The following RASSF5 variants were observed in gnomAD, a reference collection of about 807,000 sequenced individuals.
The protein encoded by RASSF5 is ras association domain-containing protein 5.
A neutral mutation model predicts 40.5 loss-of-function variants in RASSF5; 25 were observed. The ratio of observed to expected loss-of-function variants is 0.62; its 90% CI spans 0.45 to 0.86. The LOEUF is 0.86. Among genes scored for constraint, RASSF5 ranks in the 40% least tolerant of loss-of-function variants. The pLI, the probability that RASSF5 is intolerant of heterozygous loss-of-function variation, is 0.00. For synonymous variants in RASSF5, 246 were observed against 252.4 expected (o/e 0.97, Z 0.24); for missense variants, 521 against 572.8 (o/e 0.91, Z 0.92).
At chr1:206,512,163 C>T (rs1666634463) in intron 1 of RASSF5, among the ~76,000 whole-genome samples, 1 of 152,014 alleles carries the variant, frequency 6.6e-6, no homozygotes, top group Admixed American at 6.6e-5. Context: ...GTGAGAATCC[C>T]CCACTCCCAA....
chr1:206,584,454 C>T lies in RASSF5; in HGVS notation c.758C>T (p.Pro253Leu), dbSNP rs782546661. The T allele has an allele frequency of 5.0e-6, 8 of 1,614,186 alleles. No homozygotes were observed. In the South Asian group the frequency reaches 8.8e-5, roughly 18 times the overall value. Residue 253 changes from proline (P) to leucine (L), a missense_variant, in exon 4 of 6, where the codon CCT becomes CTT. Pro to Leu is a moderately conservative substitution (Grantham distance 98). Around this residue, in one of 2 missense-constraint regions of RASSF5, gnomAD observed 284 missense variants for 360.8 expected, o/e 0.79. Transcript: ENST00000579436. The surrounding 1 kb of genome is among the most constrained non-coding windows in gnomAD (Gnocchi z 4.9). The stretch of plus-strand genomic sequence containing the variant: ...AAACTCCGGCGGCCTGTGACGGTGC[C>T]TGCTGGGATCCGGCCCCAGTCCATC... ...HLKLRRPVTV[P>L]AGIRPQSIYD...
In RASSF5 at chr1:206,508,066, G is replaced by A; in HGVS notation, c.457+7G>A. The A allele has an allele frequency of 6.5e-6, 9 of 1,380,212 alleles. No individual in the cohort carries two copies. Among genetic ancestry groups the A allele is most frequent in the Non-Finnish European group, 8.4e-6 (9 of 1,066,918 alleles). The allele number at this position is 1,380,212 out of a possible 1,614,324, so 85.5% of individuals were successfully genotyped here. On this transcript the variant is annotated splice_region_variant and intron_variant, in intron 1 of 5. Coordinates refer to ENST00000579436, the MANE Select transcript of RASSF5 (RefSeq NM_182663.4). ...CAGGCGCTGCGCTGCACTAGTAAGT[G>A]TGAAGGCAGGGGAGGGGCGTGCGGG...
chr1:206,554,162 A>G (rs1667921336), intron 2 of RASSF5, among the ~76,000 whole-genome samples: 1 of 151,680 alleles, frequency 6.6e-6, no homozygotes, highest in Admixed American at 6.7e-5. Context: ...ATGCCACTAC[A>G]TCTGATCATA....
intron 1 of RASSF5, among the ~76,000 whole-genome samples, chr1:206,521,278 G>A (rs1392259289): frequency 1.3e-5 from 2 of 152,200 alleles, no homozygotes; most frequent in Non-Finnish European, 2.9e-5. Flanking sequence ...CCAGCAGAGA[G>A]GTCCTCTGAC....
rs1669230572 is a variant in RASSF5 at position 206,588,654 on chromosome 1, C to G, written c.*1676C>G. ...CCCCTGATCCCAGAAGGAATGCTGA[C>G]CCCTCGTCGTATGAACTGTGCATAG... is the stretch of plus-strand genomic sequence containing the variant. On this transcript the variant is annotated 3_prime_UTR_variant, in exon 6 of 6. Coordinates refer to ENST00000579436, the MANE Select transcript of RASSF5 (RefSeq NM_182663.4). 2 of 152,408 alleles carry G rather than the reference C, an allele frequency of 1.3e-5. No individual in the cohort carries two copies. The highest frequency in any genetic ancestry group is 4.8e-5 in the African/African-American group (2 of 41,444). 9.4% of individuals were successfully genotyped at this position (152,408 alleles called of 1,614,324 possible).
In RASSF5 at chr1:206,535,583, A is replaced by G. The variant is rs1553398513; in HGVS notation, c.458-2589A>G. ...TGTGATTACATGGTCCGATGGAACAAAGTCTTTGGTGCTCAAACATGCTTC... is the reference window on the plus strand; with the variant it reads ...TGTGATTACATGGTCCGATGGAACAGAGTCTTTGGTGCTCAAACATGCTTC... On this transcript the variant is annotated intron_variant, in intron 1 of 5. Coordinates refer to ENST00000579436, the MANE Select transcript of RASSF5 (RefSeq NM_182663.4). The surrounding 1 kb of genome is among the most constrained non-coding windows in gnomAD (Gnocchi z 5.0). Among the ~76,000 whole-genome samples, 1 of 152,122 alleles carries G rather than the reference A, an allele frequency of 6.6e-6. No individual in the cohort carries two copies. The highest frequency in any genetic ancestry group is 2.4e-5 in the African/African-American group (1 of 41,402).
intron 1 of RASSF5, among the ~76,000 whole-genome samples, chr1:206,528,196 C>A (rs547834710): frequency 7.3e-5 from 11 of 151,536 alleles, no homozygotes; most frequent in African/African-American, 2.7e-4. Flanking sequence ...AGACAAGGAG[C>A]CTCATAAATA....
At chr1:206,547,141 A>C (rs760727810) in intron 2 of RASSF5, among the ~76,000 whole-genome samples, 8 of 152,204 alleles carry the variant, frequency 5.3e-5, no homozygotes, top group African/African-American at 1.9e-4. Flanking sequence ...AAAGAAAAGA[A>C]AAGACAAAAA....
chr1:206,585,562 A>G, intron 5 of RASSF5: 1 of 286,354 alleles, frequency 3.5e-6, no homozygotes, highest in Non-Finnish European at 6.7e-6. Context: ...CTGAAAACTC[A>G]GGGAGGAGGG....
At chr1:206,562,260 G>A (rs1668166142) in intron 2 of RASSF5, among the ~76,000 whole-genome samples, 1 of 152,162 alleles carries the variant, frequency 6.6e-6, no homozygotes, top group African/African-American at 2.4e-5. Flanking sequence ...CCATCTCTCT[G>A]CTAGCAGCAG....
intron 2 of RASSF5, among the ~76,000 whole-genome samples, chr1:206,559,911 G>A (rs571081469): frequency 3.3e-5 from 5 of 152,230 alleles, no homozygotes; most frequent in East Asian, 1.9e-4. Context: ...AGCTGGGGAC[G>A]CGTCCTCCAA....
At chr1:206,585,013 A>G (rs1669052834) in intron 4 of RASSF5, 167 bp from the exon 5 acceptor site, 1 of 642,056 alleles carries the variant, frequency 1.6e-6, no homozygotes, top group Non-Finnish European at 2.8e-6. Context: ...CACCCAAGAT[A>G]AAAGGTTATT....
intron 1 of RASSF5, among the ~76,000 whole-genome samples, chr1:206,516,816 T>A (rs1666759003): frequency 6.6e-6 from 1 of 152,170 alleles, no homozygotes; most frequent in Admixed American, 6.5e-5. Flanking sequence ...AGGGCGGGGA[T>A]GGGAATGAGC....
chr1:206,570,890 G>A (rs559115601), intron 2 of RASSF5, among the ~76,000 whole-genome samples: 1 of 152,196 alleles, frequency 6.6e-6, no homozygotes, highest in East Asian at 1.9e-4. Context: ...GCAAACCTGG[G>A]TGTTCAAATA....
chr1:206,519,673 G>C (rs1553395832), intron 1 of RASSF5, among the ~76,000 whole-genome samples: 1 of 152,144 alleles, frequency 6.6e-6, no homozygotes. Context: ...GATCTAGGCA[G>C]GTCACCACAC....
chr1:206,546,089 ATTTTTTTTTTTTTTT>A lies in RASSF5; in HGVS notation c.579+7819_579+7833del, dbSNP rs10603701. On this transcript the variant is annotated intron_variant, in intron 2 of 5. Coordinates refer to ENST00000579436, the MANE Select transcript of RASSF5 (RefSeq NM_182663.4). ...TTTTTCTTTTCTTTCTTCTTTTTCT[ATTTTTTTTTTTTTTT>A]TTTTTTTTTTTTTTTTTTTTTTGGG... Among the ~76,000 whole-genome samples, 465 of 48,210 alleles carry A rather than the reference ATTTTTTTTTTTTTTT, an allele frequency of 9.6e-3. 10 individuals are homozygous for A. The highest frequency in any genetic ancestry group is 0.028 in the African/African-American group (339 of 12,322). 31.6% of individuals were successfully genotyped at this position (48,210 alleles called of 152,430 possible). A position where few individuals can be genotyped will look rare whatever the true frequency, so the allele number is the denominator to read the frequency against.
chr1:206,577,785 T>C (rs1553405448), intron 2 of RASSF5, among the ~76,000 whole-genome samples: 1 of 152,212 alleles, frequency 6.6e-6, no homozygotes, highest in African/African-American at 2.4e-5. Flanking sequence ...TAGGGGATCA[T>C]TGAAGGTTCT....
intron 1 of RASSF5, among the ~76,000 whole-genome samples, chr1:206,526,310 G>A (rs1056837604): frequency 2.1e-5 from 3 of 143,904 alleles, no homozygotes; most frequent in African/African-American, 5.4e-5. Context: ...TGGGGCTGGG[G>A]TTGTGTGGAG....
At position 206,584,365 on chromosome 1, in the gene RASSF5, T is replaced by C. The variant is rs1179094950; in HGVS notation, c.691-22T>C. 1 of 1,595,146 alleles carries C rather than the reference T, an allele frequency of 6.3e-7. No homozygotes were observed. The highest frequency in any genetic ancestry group is 1.7e-5 in the Admixed American group (1 of 58,984). On this transcript the variant is annotated intron_variant, in intron 3 of 5. Coordinates refer to ENST00000579436, the MANE Select transcript of RASSF5 (RefSeq NM_182663.4). The surrounding 1 kb of genome is among the most constrained non-coding windows in gnomAD (Gnocchi z 4.9). ...TGCAAGGCGGACGGCCCTGACCCCCTGTGACATGCCCCCGCTGGCAGAGTG... is the reference window on the plus strand; with the variant it reads ...TGCAAGGCGGACGGCCCTGACCCCCCGTGACATGCCCCCGCTGGCAGAGTG...
Sources: allele counts gnomAD v4.1 joint callset (sites outside exome capture counted in the v4.1 genomes callset), GRCh38; gene constraint gnomAD v4.1.1; regional missense constraint gnomAD v4.1.1; non-coding constraint Gnocchi (gnomAD v3.1); transcripts MANE v1.5; gene names NCBI Gene and HGNC (gene_info 2026-07-23, HGNC 2026-07-21).